PPM1L: variants seen among roughly 807,000 people sequenced by gnomAD.
PPM1L encodes the protein protein phosphatase, Mg2+/Mn2+ dependent 1L.
A neutral mutation model predicts 31.4 loss-of-function variants in PPM1L; 13 were observed. That is an observed-to-expected ratio of 0.41 (90% confidence interval 0.27 to 0.66). The LOEUF (loss-of-function observed/expected upper bound fraction) is 0.66, where lower values mean the gene tolerates loss of function less well. Ranked by LOEUF, PPM1L falls within the 30% of genes least tolerant of loss-of-function variation. The pLI is 0.29. For synonymous variants in PPM1L, 184 were observed against 175.4 expected (o/e 1.05, Z -0.39); for missense variants, 326 against 453.7 (o/e 0.72, Z 2.56).
chr3:160,907,728 ACTACCC>A (rs978515455), intron 1 of PPM1L, among the ~76,000 whole-genome samples: 1 of 152,212 alleles, frequency 6.6e-6, no homozygotes, highest in African/African-American at 2.4e-5. Flanking sequence ...GGAAACTATC[ACTACCC>A]CAAGCATGTA....
intron 1 of PPM1L, among the ~76,000 whole-genome samples, chr3:160,836,349 A>C (rs1353835946): frequency 5.9e-5 from 9 of 152,188 alleles, no homozygotes; most frequent in African/African-American, 2.2e-4. Context: ...AGAGAAAGAG[A>C]GAGAGAGACA....
At chr3:160,971,184 A>G (rs980361163) in intron 2 of PPM1L, among the ~76,000 whole-genome samples, 3 of 152,176 alleles carry the variant, frequency 2.0e-5, no homozygotes, top group Non-Finnish European at 4.4e-5. Context: ...GTTTTTGTCT[A>G]TGGTGGGACG....
At chr3:160,884,594 A>G (rs1712844531) in intron 1 of PPM1L, among the ~76,000 whole-genome samples, 1 of 152,186 alleles carries the variant, frequency 6.6e-6, no homozygotes, top group African/African-American at 2.4e-5. Flanking sequence ...ACCATTACGA[A>G]GTAAACAACC....
Position 160,756,931 on chromosome 3 carries a change from G to A in PPM1L, c.399+224G>A, listed in dbSNP as rs933291536. 1.3e-5 allele frequency among the ~76,000 whole-genome samples: 2 copies of A among 152,008 alleles called. No individual in the cohort carries two copies. The highest frequency in any genetic ancestry group is 2.9e-5 in the Non-Finnish European group (2 of 68,022). On this transcript the variant is annotated intron_variant, in intron 1 of 3. Transcript: ENST00000498165. The surrounding 1 kb of genome is among the most constrained non-coding windows in gnomAD (Gnocchi z 6.2). Reference sequence around the variant, plus strand: ...GGATCCAGACTTCTTGGTGCTGAGGGTCCACTTTAGGGAAAGGAGAGTCAT... The same window carrying A: ...GGATCCAGACTTCTTGGTGCTGAGGATCCACTTTAGGGAAAGGAGAGTCAT...
intron 3 of PPM1L, among the ~76,000 whole-genome samples, chr3:161,067,472 C>A (rs7433594): frequency 7.2e-5 from 11 of 152,204 alleles, no homozygotes; most frequent in Non-Finnish European, 1.6e-4. Flanking sequence ...TCCAGCCAGT[C>A]TGGGCCAAAT....
At chr3:160,874,083 G>A (rs933095926) in intron 1 of PPM1L, among the ~76,000 whole-genome samples, 9 of 152,168 alleles carry the variant, frequency 5.9e-5, no homozygotes, top group Admixed American at 2.0e-4. Flanking sequence ...TCTTTGTTAT[G>A]TGGGGTTTTG....
intron 2 of PPM1L, among the ~76,000 whole-genome samples, chr3:161,030,917 A>G (rs1718546057): frequency 6.6e-6 from 1 of 152,334 alleles, no homozygotes; most frequent in South Asian, 2.1e-4. Flanking sequence ...AAGGAATGGG[A>G]TGTCAGAGAA....
At chr3:161,027,496 T>C (rs754575190) in intron 2 of PPM1L, among the ~76,000 whole-genome samples, 19 of 152,210 alleles carry the variant, frequency 1.2e-4, no homozygotes, top group Non-Finnish European at 2.6e-4. Context: ...CTTACATGGA[T>C]GGCAGCAGGC....
chr3:160,763,840 G>A (rs899133897), intron 1 of PPM1L, among the ~76,000 whole-genome samples: 1 of 152,178 alleles, frequency 6.6e-6, no homozygotes, highest in African/African-American at 2.4e-5. Context: ...TTGAAAGAGA[G>A]GGAGAGGATG....
chr3:160,786,155 C>CTGTGTGTG lies in PPM1L; in HGVS notation c.399+29449_399+29450insGTGTGTGT, dbSNP rs796240930. Among the ~76,000 whole-genome samples, 463 of 83,022 alleles carry CTGTGTGTG rather than the reference C, an allele frequency of 5.6e-3. 1 individual carries two copies. The highest frequency in any genetic ancestry group is 6.8e-3 in the Non-Finnish European group (351 of 51,916). 54.5% of individuals were successfully genotyped at this position (83,022 alleles called of 152,430 possible). ...TCTCTCTCTCTCTCTCTCTCTCTCT[C>CTGTGTGTG]TCTGTGTGTGTGTGTGTGTGTGTGT... On this transcript the variant is annotated intron_variant, in intron 1 of 3. Coordinates refer to ENST00000498165, the MANE Select transcript of PPM1L (RefSeq NM_139245.4).
At chr3:161,052,390 C>A (rs1719304483) in intron 2 of PPM1L, among the ~76,000 whole-genome samples, 1 of 152,200 alleles carries the variant, frequency 6.6e-6, no homozygotes, top group African/African-American at 2.4e-5. Flanking sequence ...GATTCATGGG[C>A]AGGAAAACTC....
intron 1 of PPM1L, among the ~76,000 whole-genome samples, chr3:160,820,427 A>G (rs1177812203): frequency 2.0e-5 from 3 of 152,084 alleles, no homozygotes; most frequent in East Asian, 1.9e-4. Context: ...CTAGAACCCC[A>G]TATTCACAGT....
intron 1 of PPM1L, among the ~76,000 whole-genome samples, chr3:160,813,230 C>A (rs1336705762): frequency 6.6e-6 from 1 of 152,034 alleles, no homozygotes; most frequent in East Asian, 1.9e-4. Context: ...AGGCAATTAG[C>A]TTTTAATATT....
chr3:161,005,807 A>T (rs111799373), intron 2 of PPM1L, among the ~76,000 whole-genome samples: 1 of 152,214 alleles, frequency 6.6e-6, no homozygotes, highest in East Asian at 1.9e-4. Context: ...ACATGCAAAA[A>T]TGAGTCAGAA....
chr3:160,942,772 C>G (rs1237175484), intron 1 of PPM1L, among the ~76,000 whole-genome samples: 8 of 152,144 alleles, frequency 5.3e-5, no homozygotes, highest in Non-Finnish European at 8.8e-5. Context: ...GTGCATGGAC[C>G]CCTCCATGTG....
intron 1 of PPM1L, among the ~76,000 whole-genome samples, chr3:160,801,625 C>A (rs76432602): frequency 0.011 from 1,686 of 152,336 alleles, 29 homozygotes; most frequent in Non-Finnish European, 0.013. Flanking sequence ...AGAGCAGTGC[C>A]TGCCTGTTTA....
At chr3:161,047,126 G>A (rs1260222783) in intron 2 of PPM1L, among the ~76,000 whole-genome samples, 4 of 152,118 alleles carry the variant, frequency 2.6e-5, no homozygotes, top group African/African-American at 9.7e-5. Context: ...AGGGTATTCA[G>A]CTAAGAAAAG....
At chr3:160,979,656 A>C (rs756834625) in intron 2 of PPM1L, among the ~76,000 whole-genome samples, 13 of 152,124 alleles carry the variant, frequency 8.5e-5, no homozygotes, top group Non-Finnish European at 1.5e-4. Context: ...GGAATGAGGA[A>C]TTGAGGAAGG....
chr3:160,778,266 A>G (rs1711619573), intron 1 of PPM1L, among the ~76,000 whole-genome samples: 1 of 152,036 alleles, frequency 6.6e-6, no homozygotes, highest in Admixed American at 6.6e-5. Context: ...TTCTTTATGT[A>G]GTCCAGATAT....
Sources: gnomAD v4.1 joint callset for allele counts (sites outside exome capture counted in the v4.1 genomes callset) on GRCh38, gnomAD v4.1.1 for gene constraint, Gnocchi (gnomAD v3.1) non-coding constraint, MANE v1.5 for transcripts, NCBI Gene and HGNC (gene_info 2026-07-23, HGNC 2026-07-21) for gene names.